Variants in F8 observed in about 807,000 individuals in gnomAD.
F8 encodes the protein antihemophilic factor.
Under a neutral mutation model 140.6 loss-of-function variants are expected in F8, and 12 were observed. That is an observed-to-expected ratio of 0.09 (90% CI 0.05 to 0.14). The LOEUF is 0.14. Among genes scored for constraint, F8 ranks in the 10% least tolerant of loss-of-function variants. The pLI, the probability that F8 is intolerant of heterozygous loss-of-function variation, is 1.00. For missense variants in F8, 1,354 were observed against 1,720.7 expected, an observed-to-expected ratio of 0.79 and a Z score of 3.77; for synonymous variants, 585 against 614.6, an observed-to-expected ratio of 0.95 and a Z score of 0.71.
intron 22 of F8, among the ~76,000 whole-genome samples, chrX:154,865,823 A>G (rs1340324567): frequency 9.0e-6 from 1 of 111,126 alleles, no homozygotes; most frequent in Non-Finnish European, 1.9e-5. Flanking sequence ...ACAGAAAACT[A>G]TTAACAGAAT....
chrX:154,877,621 T>G (rs1177254389), intron 22 of F8, among the ~76,000 whole-genome samples: 1 of 110,727 alleles, frequency 9.0e-6, no homozygotes, highest in African/African-American at 3.3e-5. Flanking sequence ...GCCTCCCGAG[T>G]AGCTGGGACT....
At chrX:154,914,638 G>T (rs28884320) in intron 14 of F8, among the ~76,000 whole-genome samples, 1 of 111,786 alleles carries the variant, frequency 8.9e-6, no homozygotes, top group Non-Finnish European at 1.9e-5. Context: ...TAACAAGTTC[G>T]TCATCTCCAT....
At chrX:154,920,436 T>G (rs781796156) in intron 14 of F8, among the ~76,000 whole-genome samples, 124 of 110,968 alleles carry the variant, frequency 1.1e-3, no homozygotes, top group African/African-American at 3.9e-3. Flanking sequence ...TCTACACTTT[T>G]ATTCCCTTCC....
At chrX:155,013,141 G>A (rs1185441418) in intron 1 of F8, among the ~76,000 whole-genome samples, 3 of 61,088 alleles carry the variant, frequency 4.9e-5, no homozygotes, top group Non-Finnish European at 7.8e-5. Flanking sequence ...GCGAGACTCC[G>A]TCTCAAAAAA....
At position 154,861,827 on chromosome X, in the gene F8, G is replaced by A. The variant is rs1237863098; in HGVS notation, c.6614C>T (p.Ser2205Leu). ...MPLGMESKAI[S>L]DAQITASSYF... ...GGATGAAGCAGTAATCTGTGCATCTGATATTGCTTTACTCTCCATTCCCAA... is the reference window on the plus strand; with the variant it reads ...GGATGAAGCAGTAATCTGTGCATCTAATATTGCTTTACTCTCCATTCCCAA... The change falls in exon 24 of 26, where the codon TCA (serine) becomes TTA (leucine). Residue 2205 changes from serine (S) to leucine (L), a missense_variant. Transcript: ENST00000360256. 1 of 1,208,970 alleles carries A rather than the reference G, an allele frequency of 8.3e-7. No individual in the cohort carries two copies. The highest frequency in any genetic ancestry group is 1.8e-5 in the African/African-American group (1 of 57,029).
chrX:155,022,179 G>A (rs1284936848), intron 1 of F8, among the ~76,000 whole-genome samples: 1 of 111,933 alleles, frequency 8.9e-6, no homozygotes, highest in East Asian at 2.8e-4. Flanking sequence ...ACGAAGAGAA[G>A]CAATGGACAA....
At chrX:154,847,959 G>T (rs1291600997) in intron 25 of F8, among the ~76,000 whole-genome samples, 1 of 112,744 alleles carries the variant, frequency 8.9e-6, no homozygotes, top group East Asian at 2.8e-4. Flanking sequence ...TACAGATGGG[G>T]TTTTGGTGTG....
chrX:154,986,385 G>A (rs1557284240), intron 5 of F8, among the ~76,000 whole-genome samples: 1 of 111,502 alleles, frequency 9.0e-6, no homozygotes, highest in Non-Finnish European at 1.9e-5. Flanking sequence ...TCACCTCCTG[G>A]GCTCAAGTGA....
intron 4 of F8, among the ~76,000 whole-genome samples, chrX:154,989,575 C>T (rs986059478): frequency 1.2e-4 from 13 of 112,114 alleles, no homozygotes; most frequent in African/African-American, 4.2e-4. Flanking sequence ...AGATACATCA[C>T]TGTTGATTGA....
At chrX:154,943,466 G>A (rs1196673743) in intron 13 of F8, among the ~76,000 whole-genome samples, 5 of 111,762 alleles carry the variant, frequency 4.5e-5, no homozygotes, top group Admixed American at 9.5e-5. Flanking sequence ...TACAACGGAT[G>A]TGAAGGACCT....
intron 13 of F8, 80 bp from the exon 14 acceptor site, chrX:154,931,756 C>A: frequency 1.2e-6 from 1 of 867,252 alleles, no homozygotes; most frequent in Admixed American, 2.4e-5. Flanking sequence ...TCTCCCATTC[C>A]CAGATAAATG....
intron 13 of F8, among the ~76,000 whole-genome samples, chrX:154,942,495 T>A (rs1427447853): frequency 9.1e-6 from 1 of 109,809 alleles, no homozygotes; most frequent in Non-Finnish European, 1.9e-5. Context: ...AATAGACCAA[T>A]AACAGGCTCT....
rs781978462 is a variant in F8, at chrX:154,906,478, T to A, written c.5315A>T (p.Asn1772Ile). ...TGGCCCCAGGAGTCCCAAATGTTCA[T>A]TTAGTTCTCCACGGTATAAGGGCTG... ...FTQPLYRGEL[N>I]EHLGLLGPYI... Residue 1772 changes from asparagine to isoleucine, a missense_variant, in exon 15 of 26, where the codon AAT (asparagine) becomes ATT (isoleucine). Asn to Ile is a moderately radical substitution (Grantham distance 149). Coordinates refer to ENST00000360256, the MANE Select transcript of F8 (RefSeq NM_000132.4). 8.3e-7 allele frequency: 1 copy of A among 1,210,668 alleles called. No individual in the cohort carries two copies.
chrX:154,955,478 G>A (rs1484791189), intron 11 of F8, among the ~76,000 whole-genome samples: 2 of 109,080 alleles, frequency 1.8e-5, no homozygotes, highest in Non-Finnish European at 3.8e-5. Context: ...CTTACTAAGT[G>A]AGATGCACTG....
At chrX:154,876,115 ATT>A (rs58675912) in intron 22 of F8, among the ~76,000 whole-genome samples, 148 of 81,418 alleles carry the variant, frequency 1.8e-3, no homozygotes, top group African/African-American at 7.8e-3. Context: ...TATCATGGGA[ATT>A]TTTTTTTTTT....
chrX:154,926,567 G>A (rs1451762393), intron 14 of F8, among the ~76,000 whole-genome samples: 1 of 110,447 alleles, frequency 9.1e-6, no homozygotes, highest in Non-Finnish European at 1.9e-5. Context: ...ATAGAGATGA[G>A]GTTTTGCCAT....
chrX:154,946,558 T>C (rs1044675000), intron 13 of F8, among the ~76,000 whole-genome samples: 2 of 111,969 alleles, frequency 1.8e-5, no homozygotes, highest in African/African-American at 6.5e-5. Context: ...TCTCTCACTA[T>C]ATACAAAAAT....
In F8 at chrX:154,964,595, GA is replaced by G. The variant is rs782735869; in HGVS notation, c.1443+1374del. ...ATAAAGAAGACATTTTCAAATTAAT[GA>G]AAAAAGGATTGGTTGTGTCAGCTGC... On this transcript the variant is annotated intron_variant, in intron 9 of 25. Coordinates refer to ENST00000360256, the MANE Select transcript of F8 (RefSeq NM_000132.4). Among the ~76,000 whole-genome samples the G allele has an allele frequency of 4.5e-3, 506 of 111,790 alleles. 1 individual carries two copies. The highest frequency in any genetic ancestry group is 0.015 in the African/African-American group (464 of 30,812).
chrX:154,991,977 T>C (rs1472831655), intron 4 of F8, among the ~76,000 whole-genome samples: 1 of 112,044 alleles, frequency 8.9e-6, no homozygotes, highest in African/African-American at 3.2e-5. Context: ...TTTCCAAGGT[T>C]ACATTAGAAA....
Sources: allele counts gnomAD v4.1 joint callset (sites outside exome capture counted in the v4.1 genomes callset), GRCh38; gene constraint gnomAD v4.1.1; transcripts MANE v1.5; gene names NCBI Gene and HGNC (gene_info 2026-07-23, HGNC 2026-07-21).